ABCA7: variants seen among roughly 807,000 people sequenced by gnomAD.
The protein encoded by ABCA7 is phospholipid-transporting ATPase ABCA7.
In ABCA7, 261 loss-of-function variants were observed where a neutral mutation model predicts 227.6. The observed-to-expected ratio is 1.15, with a 90% CI of 1.04 to 1.27. ABCA7 has a LOEUF of 1.27. Ranked by LOEUF, ABCA7 falls within the 50% of genes most tolerant of loss-of-function variation. ABCA7 has a pLI of 0.00. For synonymous variants in ABCA7, 1,488 were observed against 1,279.7 expected (o/e 1.16, Z -3.47); for missense variants, 3,331 against 2,924.5 (o/e 1.14, Z -3.21).
intron 40 of ABCA7, among the ~76,000 whole-genome samples, chr19:1,061,333 G>A (rs2042638488): frequency 6.7e-6 from 1 of 148,174 alleles, no homozygotes; most frequent in Non-Finnish European, 1.5e-5. Context: ...GGAGGTGGAG[G>A]TTGCAGTGGG....
At position 1,054,335 on chromosome 19, in the gene ABCA7, C is replaced by A; in HGVS notation, c.3720C>A (p.Phe1240Leu). 6.3e-7 allele frequency: 1 copy of A among 1,596,882 alleles called. No homozygotes were observed. Among genetic ancestry groups the A allele is most frequent in the Admixed American group, 1.7e-5 (1 of 59,466 alleles). ...CCCGCCGCAGCCGCCGCGGCCTGTTCGCCCAGGTGAGGAGGGCTAGCACCA... is the reference window on the plus strand; with the variant it reads ...CCCGCCGCAGCCGCCGCGGCCTGTTAGCCCAGGTGAGGAGGGCTAGCACCA... Reference protein sequence around the residue: ...LLARRSRRGLFAQIVLPALFV... With the variant: ...LLARRSRRGLLAQIVLPALFV... The change falls in exon 27 of 47, where the codon TTC becomes TTA. Residue 1240 changes from phenylalanine to leucine, a missense_variant. Transcript: ENST00000263094. The surrounding 1 kb of genome is among the most constrained non-coding windows in gnomAD (Gnocchi z 4.8).
Position 1,042,326 on chromosome 19 carries a change from C to G in ABCA7, c.427C>G (p.Pro143Ala), listed in dbSNP as rs549025287. 3 of 1,579,536 alleles carry G rather than the reference C, an allele frequency of 1.9e-6. No homozygotes were observed. The highest frequency in any genetic ancestry group is 2.6e-6 in the Non-Finnish European group (3 of 1,157,054). Residue 143 changes from proline to alanine, a missense_variant, in exon 6 of 47, where the codon CCA becomes GCA. Pro to Ala is a conservative substitution (Grantham distance 27). Transcript: ENST00000263094. ...RAARSTAQPQ[P>A]TKQSPLEPPM... ...CGCTCCTCCCCCAGCCCAGCCTCAA[C>G]CAACCAAGCAGTCTCCACTGGAACC...
intron 21 of ABCA7, 124 bp from the exon 22 acceptor site, chr19:1,051,818 G>A: frequency 7.4e-7 from 1 of 1,346,920 alleles, no homozygotes; most frequent in Non-Finnish European, 1.0e-6. Context: ...GAGGTTCTGG[G>A]GATGAGGTTT....
At position 1,065,131 on chromosome 19, in the gene ABCA7, G is replaced by T; in HGVS notation, c.6245G>T (p.Gly2082Val). Residue 2082 changes from glycine to valine, a missense_variant, in exon 46 of 47, where the codon GGC becomes GTC. Gly to Val is a moderately radical substitution (Grantham distance 109). Coordinates refer to ENST00000263094, the MANE Select transcript of ABCA7 (RefSeq NM_019112.4). Reference protein sequence around the residue: ...GELAVHGAEHGVEDFSVSQTM... With the variant: ...GELAVHGAEHVVEDFSVSQTM... ...CTGGCGGTGCACGGCGCAGAGCACG[G>T]CGTGGAGGACTTTTCCGTGAGCCAG... 1 of 1,591,394 alleles carries T rather than the reference G, an allele frequency of 6.3e-7. No individual in the cohort carries two copies. The highest frequency in any genetic ancestry group is 1.1e-5 in the South Asian group (1 of 89,310).
intron 15 of ABCA7, 33 bp downstream of exon 15, chr19:1,047,411 C>G (rs747209087): frequency 1.9e-6 from 3 of 1,541,504 alleles, no homozygotes; most frequent in Admixed American, 3.9e-5. Context: ...ATGGGGGACG[C>G]CCCCCGCTTC....
rs1262840253 is a variant in ABCA7 at position 1,062,966 on chromosome 19, GC to G, written c.5713-577del. Among the ~76,000 whole-genome samples the G allele has an allele frequency of 9.5e-3, 1,211 of 127,064 alleles. 105 individuals carry two copies. The highest frequency in any genetic ancestry group is 0.026 in the Middle Eastern group (5 of 194). The allele number at this position is 127,064 out of a possible 152,430, so 83.4% of individuals were successfully genotyped here. On this transcript the variant is annotated intron_variant, in intron 42 of 46. Coordinates refer to ENST00000263094, the MANE Select transcript of ABCA7 (RefSeq NM_019112.4). Reference sequence around the variant, plus strand: ...CACCATGGCCCCGCCCCATACTCATGCTGGCTCCACCCACACCATGGCCCCG... The same window carrying G: ...CACCATGGCCCCGCCCCATACTCATGTGGCTCCACCCACACCATGGCCCCG...
At position 1,052,412 on chromosome 19, in the gene ABCA7, G is replaced by A. The variant is rs561028965; in HGVS notation, c.3220+126G>A. On this transcript the variant is annotated intron_variant, in intron 23 of 46. Coordinates refer to ENST00000263094, the MANE Select transcript of ABCA7 (RefSeq NM_019112.4). ...AGGAAGCGGCAGAGGAGGTTGAGGC[G>A]GAGGAGGAGGGGGAGGAGGAGGGGG... The A allele has an allele frequency of 2.7e-5, 14 of 517,950 alleles. 1 individual carries two copies. Among genetic ancestry groups the A allele is most frequent in the South Asian group, 1.6e-4 (7 of 42,974 alleles). 32.1% of individuals were successfully genotyped at this position (517,950 alleles called of 1,614,324 possible). A position where few individuals can be genotyped will look rare whatever the true frequency, so the allele number is the denominator to read the frequency against.
Position 1,065,108 on chromosome 19 carries a change from G to GGCGGTGCACGGC in ABCA7, c.6225_6236dup (p.Val2076_Ala2079dup). 3.8e-6 allele frequency: 6 copies of GGCGGTGCACGGC among 1,586,652 alleles called. No homozygotes were observed. Among genetic ancestry groups the GGCGGTGCACGGC allele is most frequent in the African/African-American group, 1.3e-5 (1 of 74,320 alleles). Reference sequence around the variant, plus strand: ...CCCTGGCGCGCGTCTTTGGAGAGCTGGCGGTGCACGGCGCAGAGCACGGCG... The same window carrying GGCGGTGCACGGC: ...CCCTGGCGCGCGTCTTTGGAGAGCTGGCGGTGCACGGCGCGGTGCACGGCGCAGAGCACGGCG... On this transcript the variant is annotated inframe_insertion, in exon 46 of 47. Coordinates refer to ENST00000263094, the MANE Select transcript of ABCA7 (RefSeq NM_019112.4).
chr19:1,054,282 G>A lies in ABCA7; in HGVS notation c.3667G>A (p.Ala1223Thr), dbSNP rs150557489. The A allele has an allele frequency of 6.2e-7, 1 of 1,607,906 alleles. No individual in the cohort carries two copies. Among genetic ancestry groups the A allele is most frequent in the Non-Finnish European group, 8.5e-7 (1 of 1,179,362 alleles). ...GWALTRQQLQ[A>T]LLLKRFLLAR... ...GGCACTGACCCGCCAGCAGCTCCAG[G>A]CCCTGCTTCTCAAGCGCTTTCTGCT... Residue 1223 changes from alanine to threonine, a missense_variant, in exon 27 of 47, where the codon GCC becomes ACC. Ala to Thr is a moderately conservative substitution (Grantham distance 58). Transcript: ENST00000263094. This position sits in a 1 kb window ranked among gnomAD's most constrained non-coding sequence, Gnocchi z 4.8.
At chr19:1,060,359 A>C (rs1179185909) in intron 40 of ABCA7, among the ~76,000 whole-genome samples, 2 of 143,672 alleles carry the variant, frequency 1.4e-5, no homozygotes, top group Non-Finnish European at 3.0e-5. Flanking sequence ...CCACAGGCAC[A>C]TGCCGCCATG....
intron 34 of ABCA7, 88 bp from the exon 35 acceptor site, chr19:1,057,226 A>G: frequency 6.4e-7 from 1 of 1,567,788 alleles, no homozygotes. Context: ...CCTACTCAAA[A>G]AGCAAGGAGG....
rs1363014374 is a variant in ABCA7, at chr19:1,042,395, A to G, written c.496A>G (p.Thr166Ala). 1.9e-6 allele frequency: 3 copies of G among 1,610,112 alleles called. No individual in the cohort carries two copies. The highest frequency in any genetic ancestry group is 1.1e-5 in the South Asian group (1 of 90,920). The part of the protein sequence containing the change: ...VAELLTSLLR[T>A]ESLGLALGQA... ...GGAGCTGCTGACGTCACTGCTGCGC[A>G]CGGTAGGGTGTCGGGGCGGGACCGC... is the stretch of plus-strand genomic sequence containing the variant. Residue 166 changes from threonine to alanine, a missense_variant and splice_region_variant, in exon 6 of 47, where the codon ACG becomes GCG. Transcript: ENST00000263094.
In ABCA7 at chr19:1,042,187, C is replaced by CG. The variant is rs746178935; in HGVS notation, c.415+17dup. The stretch of plus-strand genomic sequence containing the variant: ...CTGCACGCAGCACGGGTGAGGAGGC[C>CG]GGGGGGCCTCTGGCAGGGCTGAGCT... On this transcript the variant is annotated intron_variant, in intron 5 of 46. Coordinates refer to ENST00000263094, the MANE Select transcript of ABCA7 (RefSeq NM_019112.4). The CG allele has an allele frequency of 1.3e-6, 2 of 1,599,604 alleles. No homozygotes were observed. The highest frequency in any genetic ancestry group is 2.2e-5 in the East Asian group (1 of 44,676).
intron 42 of ABCA7, 91 bp from the exon 43 acceptor site, chr19:1,063,453 C>T (rs1010241882): frequency 1.3e-6 from 2 of 1,522,480 alleles, no homozygotes; most frequent in Non-Finnish European, 1.8e-6. Context: ...TATGCCCCTG[C>T]TCCACACTCA....
Position 1,054,794 on chromosome 19 carries a change from G to A in ABCA7, c.3866G>A (p.Gly1289Glu), listed in dbSNP as rs902113151. The A allele has an allele frequency of 1.6e-5, 25 of 1,597,782 alleles. No homozygotes were observed. Among genetic ancestry groups the A allele is most frequent in the Non-Finnish European group, 2.0e-5 (23 of 1,173,090 alleles). The change falls in exon 29 of 47, where the codon GGG becomes GAG. Residue 1289 changes from glycine to glutamate, a missense_variant. Transcript: ENST00000263094. The surrounding 1 kb of genome is among the most constrained non-coding windows in gnomAD (Gnocchi z 4.8). The part of the protein sequence containing the change: ...QVSFFSEDAP[G>E]DPGRARLLEA... ...CTCACACACAGTGAGGACGCCCCAG[G>A]GGACCCTGGACGTGCCCGGCTGCTC...
chr19:1,041,707 C>A, intron 3 of ABCA7, 104 bp downstream of exon 3: 2 of 1,573,936 alleles, frequency 1.3e-6, no homozygotes, highest in Non-Finnish European at 1.7e-6. Flanking sequence ...TTCACCAGGC[C>A]GCCAATACAT....
chr19:1,043,322 C>A lies in ABCA7; in HGVS notation c.791-12C>A. ...GGCAGGGGGGCAGGGCCTCATGGCA[C>A]CCCCATCCCAGGCCCCGCCTGCTCG... On this transcript the variant is annotated splice_polypyrimidine_tract_variant and intron_variant, in intron 8 of 46. Coordinates refer to ENST00000263094, the MANE Select transcript of ABCA7 (RefSeq NM_019112.4). The A allele has an allele frequency of 6.2e-7, 1 of 1,612,782 alleles. No homozygotes were observed. The highest frequency in any genetic ancestry group is 1.1e-5 in the South Asian group (1 of 91,068).
chr19:1,057,171 A>T, intron 34 of ABCA7, 87 bp downstream of exon 34: 1 of 1,555,372 alleles, frequency 6.4e-7, no homozygotes, highest in Non-Finnish European at 8.7e-7. Context: ...CTTGTCCAAG[A>T]TGGCCTGGGT....
At position 1,065,135 on chromosome 19, in the gene ABCA7, G is replaced by A. The variant is rs2042962952; in HGVS notation, c.6249G>A (p.Val2083=). The A allele has an allele frequency of 2.5e-6, 4 of 1,591,594 alleles. No individual in the cohort carries two copies. In the Admixed American group the frequency reaches 6.9e-5, roughly 27 times the overall value. ...CGGTGCACGGCGCAGAGCACGGCGT[G>A]GAGGACTTTTCCGTGAGCCAGACGA... The part of the protein sequence containing the change: ...ELAVHGAEHG[V]EDFSVSQTML... Residue 2083 remains valine (V), a synonymous_variant, in exon 46 of 47, where the codon GTG becomes GTA. Transcript: ENST00000263094.
Sources: gnomAD v4.1 joint callset for allele counts (sites outside exome capture counted in the v4.1 genomes callset) on GRCh38, gnomAD v4.1.1 for gene constraint, Gnocchi (gnomAD v3.1) non-coding constraint, MANE v1.5 for transcripts, NCBI Gene and HGNC (gene_info 2026-07-23, HGNC 2026-07-21) for gene names.